The following XKR6 variants were observed in gnomAD, a reference collection of about 807,000 sequenced individuals.
XKR6 encodes the protein XK related 6.
A neutral mutation model predicts 56.7 loss-of-function variants in XKR6; 22 were observed. That is an observed-to-expected ratio of 0.39 (90% CI 0.28 to 0.55). The LOEUF is 0.55. Ranked by LOEUF, XKR6 falls within the 20% of genes least tolerant of loss-of-function variation. XKR6 has a pLI of 0.66. For missense variants in XKR6, 852 were observed against 889.0 expected (o/e 0.96, Z 0.53); for synonymous variants, 524 against 387.8 (o/e 1.35, Z -4.13).
intron 1 of XKR6, among the ~76,000 whole-genome samples, chr8:10,986,650 G>A (rs1403101021): frequency 1.3e-5 from 2 of 152,100 alleles, no homozygotes; most frequent in Non-Finnish European, 2.9e-5. Flanking sequence ...ACATACCTGG[G>A]TTTAAATTGT....
intron 1 of XKR6, among the ~76,000 whole-genome samples, chr8:10,998,723 C>T (rs549324571): frequency 2.2e-4 from 34 of 152,310 alleles, no homozygotes; most frequent in African/African-American, 7.2e-4. Flanking sequence ...GCTCCATTTC[C>T]GCTGGGCTCT....
intron 1 of XKR6, among the ~76,000 whole-genome samples, chr8:11,101,006 C>G (rs570611235): frequency 6.6e-6 from 1 of 152,296 alleles, no homozygotes; most frequent in African/African-American, 2.4e-5. Flanking sequence ...CCTTACCCAC[C>G]CTGCAGTGGT....
At chr8:11,112,026 A>C (rs1798920684) in intron 1 of XKR6, 1 of 152,236 alleles carries the variant, frequency 6.6e-6, no homozygotes, top group South Asian at 2.1e-4. Flanking sequence ...ATAAGCTCTT[A>C]AGTCTAACAT....
intron 1 of XKR6, among the ~76,000 whole-genome samples, chr8:11,135,972 A>C (rs1378715002): frequency 6.6e-6 from 1 of 152,212 alleles, no homozygotes. Context: ...TATATAACTC[A>C]AAGTTACCAG....
At chr8:11,105,290 T>A (rs1057626) in intron 1 of XKR6, 1 of 152,028 alleles carries the variant, frequency 6.6e-6, no homozygotes, top group Non-Finnish European at 1.5e-5. Flanking sequence ...AACAAGAACA[T>A]ACATTAGAGA....
At chr8:10,950,545 G>C (rs1243611821) in intron 1 of XKR6, among the ~76,000 whole-genome samples, 2 of 152,190 alleles carry the variant, frequency 1.3e-5, no homozygotes, top group African/African-American at 2.4e-5. Context: ...TCTCTTGTTG[G>C]ATTCTCTCTT....
Position 11,193,751 on chromosome 8 carries a change from C to G in XKR6, c.764+6825G>C, listed in dbSNP as rs866830426. Among the ~76,000 whole-genome samples the G allele has an allele frequency of 3.7e-3, 412 of 111,222 alleles. 5 individuals are homozygous for G. The highest frequency in any genetic ancestry group is 0.013 in the African/African-American group (390 of 30,482). 73.0% of individuals were successfully genotyped at this position (111,222 alleles called of 152,430 possible). A position where few individuals can be genotyped will look rare whatever the true frequency, so the allele number is the denominator to read the frequency against. ...TTTAAGGTTCTGACCCCCCCCCCCCCACAAAAGAAATTAACCTTGGTAAAC... is the reference window on the plus strand; with the variant it reads ...TTTAAGGTTCTGACCCCCCCCCCCCGACAAAAGAAATTAACCTTGGTAAAC... On this transcript the variant is annotated intron_variant, in intron 1 of 2. Transcript: ENST00000416569.
At position 11,035,112 on chromosome 8, in the gene XKR6, A is replaced by G. The variant is rs1157640466; in HGVS notation, c.765-110282T>C. ...CTGTAAAATGGGGATGATGATACTT[A>G]CCTTAAAGGGCTGCCATGAGGTCGA... On this transcript the variant is annotated intron_variant, in intron 1 of 2. Coordinates refer to ENST00000416569, the MANE Select transcript of XKR6 (RefSeq NM_173683.4). The G allele has an allele frequency of 6.3e-6, 3 of 477,092 alleles. No homozygotes were observed. The East Asian group carries it at 2.0e-4, about 31-fold the overall frequency. 29.6% of individuals were successfully genotyped at this position (477,092 alleles called of 1,614,324 possible).
At chr8:11,052,067 C>T (rs745520523) in intron 1 of XKR6, among the ~76,000 whole-genome samples, 27 of 152,266 alleles carry the variant, frequency 1.8e-4, no homozygotes, top group Non-Finnish European at 2.5e-4. Context: ...ATGTTCTTTC[C>T]ACCGCCTGCC....
chr8:10,996,353 A>C (rs1798112706), intron 1 of XKR6, among the ~76,000 whole-genome samples: 1 of 152,148 alleles, frequency 6.6e-6, no homozygotes, highest in Non-Finnish European at 1.5e-5. Context: ...CGCTGCTGAC[A>C]ATATCTTGTT....
intron 1 of XKR6, among the ~76,000 whole-genome samples, chr8:10,947,899 C>T (rs537613860): frequency 1.4e-4 from 22 of 152,216 alleles, no homozygotes; most frequent in East Asian, 9.7e-4. Context: ...CATTCCTGGG[C>T]GATCTTTTCA....
At chr8:11,055,889 C>T (rs919891167) in intron 1 of XKR6, among the ~76,000 whole-genome samples, 1 of 152,170 alleles carries the variant, frequency 6.6e-6, no homozygotes, top group Non-Finnish European at 1.5e-5. Context: ...CCTCGTAAAA[C>T]CTGATTTCCT....
chr8:10,897,592 C>CT lies in XKR6; in HGVS notation c.*359dup, dbSNP rs928482384. The CT allele has an allele frequency of 5.1e-3, 855 of 167,032 alleles. No homozygotes were observed. The highest frequency in any genetic ancestry group is 7.4e-3 in the Non-Finnish European group (588 of 79,236). The allele number at this position is 167,032 out of a possible 1,614,324, so 10.3% of individuals were successfully genotyped here. A position where few individuals can be genotyped will look rare whatever the true frequency, so the allele number is the denominator to read the frequency against. Reference sequence around the variant, plus strand: ...TCTACACTTGGTGTAAGGTAAAAAACTTTTTTTTTTTCTTTTGGAGTGGAG... The same window carrying CT: ...TCTACACTTGGTGTAAGGTAAAAAACTTTTTTTTTTTTCTTTTGGAGTGGAG... On this transcript the variant is annotated 3_prime_UTR_variant, in exon 3 of 3. Coordinates refer to ENST00000416569, the MANE Select transcript of XKR6 (RefSeq NM_173683.4).
chr8:11,177,676 T>C (rs1280633750), intron 1 of XKR6, among the ~76,000 whole-genome samples: 2 of 152,228 alleles, frequency 1.3e-5, no homozygotes, highest in South Asian at 2.1e-4. Flanking sequence ...CAGAGGTAGA[T>C]GCTGAGGTTA....
intron 1 of XKR6, chr8:11,104,709 A>G (rs1798611876): frequency 6.6e-6 from 1 of 152,228 alleles, no homozygotes; most frequent in Non-Finnish European, 1.5e-5. Flanking sequence ...GTCATTTATT[A>G]GTGTTCAATT....
chr8:11,201,217 G>C lies in XKR6; in HGVS notation c.123C>G (p.Gly41=). ...DGEPGGGGCG[G]GGDGSEPGES... ...CGCCGGGCTCGCTGCCGTCGCCGCC[G>C]CCGCCGCAGCCGCCTCCCCCGGGCT... The change falls in exon 1 of 3, where the codon GGC becomes GGG. Residue 41 remains glycine, a synonymous_variant. Coordinates refer to ENST00000416569, the MANE Select transcript of XKR6 (RefSeq NM_173683.4). 3.9e-6 allele frequency: 6 copies of C among 1,535,634 alleles called. No individual in the cohort carries two copies. The highest frequency in any genetic ancestry group is 5.2e-6 in the Non-Finnish European group (6 of 1,148,390).
In XKR6 at chr8:10,988,443, G is replaced by A. The variant is rs115924835; in HGVS notation, c.765-63613C>T. Among the ~76,000 whole-genome samples, 1,406 of 152,222 alleles carry A rather than the reference G, an allele frequency of 9.2e-3. 19 individuals are homozygous for A. The highest frequency in any genetic ancestry group is 0.029 in the African/African-American group (1,204 of 41,518). ...TTTTTGTTCTGTGGAAATCCCTGGC[G>A]TGCCTTACAGAGCACACACAGACAC... On this transcript the variant is annotated intron_variant, in intron 1 of 2. Transcript: ENST00000416569.
At chr8:11,140,108 C>T (rs73198943) in intron 1 of XKR6, among the ~76,000 whole-genome samples, 34,038 of 148,214 alleles carry the variant, frequency 0.23, 4,516 homozygotes, top group Non-Finnish European at 0.3. Flanking sequence ...ACAGGCGGCT[C>T]GAAGAAGAAA....
At chr8:11,145,139 G>A (rs1334187570) in intron 1 of XKR6, among the ~76,000 whole-genome samples, 6 of 152,084 alleles carry the variant, frequency 3.9e-5, no homozygotes, top group South Asian at 2.1e-4. Flanking sequence ...TTTGAGCAAC[G>A]ACATGATACT....
Sources: allele counts gnomAD v4.1 joint callset (sites outside exome capture counted in the v4.1 genomes callset), GRCh38; gene constraint gnomAD v4.1.1; transcripts MANE v1.5; gene names NCBI Gene and HGNC (gene_info 2026-07-23, HGNC 2026-07-21).